The following MED27 variants were observed in gnomAD, a reference collection of about 807,000 sequenced individuals.
The protein encoded by MED27 is mediator complex subunit 27, also known as mediator of RNA polymerase II transcription subunit 27.
A neutral mutation model predicts 38.2 loss-of-function variants in MED27; 30 were observed. The observed-to-expected ratio is 0.79, with a 90% confidence interval of 0.59 to 1.07. MED27 has a LOEUF of 1.07. Among genes scored for constraint, MED27 ranks in the 50% least tolerant of loss-of-function variants. The probability of loss-of-function intolerance (pLI) is 0.00; values close to 1 mark genes in which losing one functional copy is unlikely to be tolerated. For missense variants in MED27, 289 were observed against 397.5 expected (o/e 0.73, Z 2.32); for synonymous variants, 122 against 153.5 (o/e 0.79, Z 1.52).
At chr9:131,926,504 C>A (rs554626600) in intron 4 of MED27, among the ~76,000 whole-genome samples, 1 of 152,272 alleles carries the variant, frequency 6.6e-6, no homozygotes, top group Non-Finnish European at 1.5e-5. Flanking sequence ...TCCCCTCTAG[C>A]CGTCCTGGCC....
chr9:132,073,843 G>A (rs1833992679), intron 2 of MED27: 1 of 1,376,012 alleles, frequency 7.3e-7, no homozygotes, highest in Non-Finnish European at 9.4e-7. Context: ...ACACTTCTGG[G>A]GTCTTTGCAG....
At position 132,053,798 on chromosome 9, in the gene MED27, G is replaced by GT. The variant is rs917091284; in HGVS notation, c.348+23643_348+23644insA. Among the ~76,000 whole-genome samples the GT allele has an allele frequency of 1.6e-3, 243 of 152,256 alleles. 1 individual carries two copies. Among genetic ancestry groups the GT allele is most frequent in the African/African-American group, 5.7e-3 (237 of 41,530 alleles). The stretch of plus-strand genomic sequence containing the variant: ...CCAAATACAGAGTTCCCCAAAGCGT[G>GT]GAGTGTACCCCTGGTGAGTACCAGG... On this transcript the variant is annotated intron_variant, in intron 2 of 7. Transcript: ENST00000292035.
intron 3 of MED27, among the ~76,000 whole-genome samples, chr9:131,985,682 A>G (rs1438823030): frequency 6.6e-6 from 1 of 151,736 alleles, no homozygotes; most frequent in African/African-American, 2.4e-5. Flanking sequence ...AATTTACTGT[A>G]CTATAATTTT....
intron 2 of MED27, among the ~76,000 whole-genome samples, chr9:132,030,465 C>T (rs1832933900): frequency 6.6e-6 from 1 of 152,164 alleles, no homozygotes; most frequent in Non-Finnish European, 1.5e-5. Flanking sequence ...AAAGGCCAGT[C>T]CTTTCTTTTC....
chr9:132,068,286 T>C (rs1466701687), intron 2 of MED27, among the ~76,000 whole-genome samples: 1 of 152,088 alleles, frequency 6.6e-6, no homozygotes, highest in Non-Finnish European at 1.5e-5. Flanking sequence ...AAACTGAGGC[T>C]AGGTAAGCCG....
intron 4 of MED27, among the ~76,000 whole-genome samples, chr9:131,924,022 C>T (rs540414080): frequency 3.2e-4 from 49 of 152,306 alleles, no homozygotes; most frequent in South Asian, 8.3e-4. Context: ...TTCAATCACA[C>T]GCCTCTGCAC....
At chr9:131,966,349 A>G (rs1428603442) in intron 3 of MED27, among the ~76,000 whole-genome samples, 1 of 138,956 alleles carries the variant, frequency 7.2e-6, no homozygotes, top group Non-Finnish European at 1.5e-5. Context: ...GTGCCACTGC[A>G]CTCCAGCCCA....
intron 2 of MED27, among the ~76,000 whole-genome samples, chr9:132,031,004 A>C (rs1033594362): frequency 9.2e-5 from 14 of 152,258 alleles, no homozygotes; most frequent in African/African-American, 3.4e-4. Flanking sequence ...GGAGGGTGGG[A>C]GAAGTCGATT....
At chr9:131,938,631 CA>C (rs1830724728) in intron 4 of MED27, among the ~76,000 whole-genome samples, 1 of 152,134 alleles carries the variant, frequency 6.6e-6, no homozygotes, top group Non-Finnish European at 1.5e-5. Context: ...TCAGAAACAG[CA>C]AAACCAGAAG....
chr9:131,971,712 G>C (rs371525835), intron 3 of MED27, among the ~76,000 whole-genome samples: 2 of 152,098 alleles, frequency 1.3e-5, no homozygotes, highest in Non-Finnish European at 2.9e-5. Flanking sequence ...GACTGGGAGT[G>C]GGGGGCGGGG....
intron 2 of MED27, among the ~76,000 whole-genome samples, chr9:132,056,450 G>A (rs1358559664): frequency 6.6e-6 from 1 of 152,100 alleles, no homozygotes; most frequent in Non-Finnish European, 1.5e-5. Flanking sequence ...TTTCCAAGCA[G>A]GTACAAGTTG....
intron 4 of MED27, among the ~76,000 whole-genome samples, chr9:131,907,986 C>T (rs1249632190): frequency 2.6e-5 from 4 of 151,370 alleles, no homozygotes; most frequent in East Asian, 4.0e-4. Context: ...GCCTGGCAAC[C>T]GCCCCGTCTG....
At chr9:131,892,670 C>T (rs992476944) in intron 5 of MED27, among the ~76,000 whole-genome samples, 3 of 152,132 alleles carry the variant, frequency 2.0e-5, no homozygotes, top group Admixed American at 1.3e-4. Context: ...ATGCCACTGC[C>T]CATGGTCTCT....
chr9:131,900,958 G>GTAC (rs1255945802), intron 4 of MED27, among the ~76,000 whole-genome samples: 1 of 148,948 alleles, frequency 6.7e-6, no homozygotes, highest in East Asian at 2.0e-4. Flanking sequence ...AGAAAAAGAG[G>GTAC]GTAAGGGAGA....
intron 6 of MED27, among the ~76,000 whole-genome samples, chr9:131,867,001 C>G (rs1032503201): frequency 1.3e-5 from 2 of 152,334 alleles, no homozygotes; most frequent in East Asian, 1.9e-4. Context: ...GGAAGCCCCC[C>G]AGGCTCCCCC....
chr9:131,930,008 T>C (rs1390377738), intron 4 of MED27, among the ~76,000 whole-genome samples: 1 of 152,036 alleles, frequency 6.6e-6, no homozygotes, highest in Non-Finnish European at 1.5e-5. Flanking sequence ...CATCACCTCA[T>C]CTCCAGCTCC....
At chr9:131,987,995 C>T (rs1032375720) in intron 3 of MED27, among the ~76,000 whole-genome samples, 1 of 152,154 alleles carries the variant, frequency 6.6e-6, no homozygotes, top group African/African-American at 2.4e-5. Flanking sequence ...CAGTCTGTGT[C>T]CATTAAGACA....
At chr9:131,991,579 A>G (rs1043094974) in intron 3 of MED27, among the ~76,000 whole-genome samples, 1 of 152,282 alleles carries the variant, frequency 6.6e-6, no homozygotes, top group Non-Finnish European at 1.5e-5. Context: ...CACTTAACAT[A>G]CATAAATAAA....
At chr9:132,024,591 T>C (rs1832779076) in intron 2 of MED27, among the ~76,000 whole-genome samples, 1 of 152,168 alleles carries the variant, frequency 6.6e-6, no homozygotes, top group African/African-American at 2.4e-5. Context: ...ATAGGAAAAA[T>C]GTACCCACTA....
Sources: allele counts gnomAD v4.1 joint callset (sites outside exome capture counted in the v4.1 genomes callset), GRCh38; gene constraint gnomAD v4.1.1; transcripts MANE v1.5; gene names NCBI Gene and HGNC (gene_info 2026-07-23, HGNC 2026-07-21).